Variants in UNC93A observed in about 807,000 individuals in gnomAD.
UNC93A encodes the protein N-acetylglucosamine transporter UNC93A.
A neutral mutation model predicts 47.5 loss-of-function variants in UNC93A; 43 were observed. That is an observed-to-expected ratio of 0.91 (90% CI 0.71 to 1.17). UNC93A has a LOEUF of 1.17. Among genes scored for constraint, UNC93A ranks in the 50% most tolerant of loss-of-function variants. UNC93A has a pLI of 0.00. For missense variants in UNC93A, 605 were observed against 577.6 expected, an observed-to-expected ratio of 1.05 and a Z score of -0.49; for synonymous variants, 280 against 258.0, an observed-to-expected ratio of 1.09 and a Z score of -0.82.
At chr6:167,292,665 C>CT (rs997893212) in intron 1 of UNC93A, among the ~76,000 whole-genome samples, 2 of 152,186 alleles carry the variant, frequency 1.3e-5, no homozygotes, top group African/African-American at 4.8e-5. Flanking sequence ...TGGTTCATTA[C>CT]TTTTGGAGTC....
rs1178252984 is a variant in UNC93A at position 167,307,787 on chromosome 6, A to ACC, written c.987_988dup (p.His330ProfsTer6). The ACC allele has an allele frequency of 4.4e-6, 7 of 1,592,802 alleles. No homozygotes were observed. The Middle Eastern group carries it at 6.6e-4, about 151-fold the overall frequency. Reference sequence around the variant, plus strand: ...CCCCTCTGCACCCCCAGGCGCGGTGACCCACGTGTCCTGCATGATTGCCCT... The same window carrying ACC: ...CCCCTCTGCACCCCCAGGCGCGGTGACCCCCACGTGTCCTGCATGATTGCCCT... On this transcript the variant is annotated frameshift_variant, in exon 7 of 8. Transcript: ENST00000230256. LOFTEE classifies it high-confidence loss of function.
At chr6:167,310,650 C>T (rs1023551433) in intron 7 of UNC93A, among the ~76,000 whole-genome samples, 3 of 152,160 alleles carry the variant, frequency 2.0e-5, no homozygotes, top group Admixed American at 6.5e-5. Flanking sequence ...GGAGGATGAA[C>T]CAGACAGATC....
chr6:167,293,592 A>G (rs1777953493), intron 1 of UNC93A, among the ~76,000 whole-genome samples: 1 of 152,140 alleles, frequency 6.6e-6, no homozygotes, highest in Admixed American at 6.5e-5. Flanking sequence ...CCCCAAGGCT[A>G]CTATGGGGTT....
chr6:167,273,610 T>G (rs5010933), intron 1 of UNC93A, among the ~76,000 whole-genome samples: 108,097 of 151,488 alleles, frequency 0.71, 39,092 homozygotes, highest in African/African-American at 0.84. Context: ...CGTGACACAG[T>G]CCTCAGGAGA....
In UNC93A at chr6:167,307,862, T is replaced by A. The variant is rs1171614339; in HGVS notation, c.1060T>A (p.Ser354Thr). ...ADHLAVFFVFSGLWGVADAVW... is the reference protein window; with the variant it reads ...ADHLAVFFVFTGLWGVADAVW... ...CCATCTGGCAGTGTTCTTCGTATTC[T>A]CTGGCCTGTGGGGCGTGGCAGATGC... The change falls in exon 7 of 8, where the codon TCT (serine) becomes ACT (threonine). Residue 354 changes from serine to threonine, a missense_variant. By Grantham distance (58) the Ser-to-Thr change is moderately conservative (BLOSUM62 1). Coordinates refer to ENST00000230256, the MANE Select transcript of UNC93A (RefSeq NM_018974.4). 1 of 1,614,086 alleles carries A rather than the reference T, an allele frequency of 6.2e-7. No individual in the cohort carries two copies. Among genetic ancestry groups the A allele is most frequent in the South Asian group, 1.1e-5 (1 of 91,080 alleles).
rs758703541 is a variant in UNC93A at position 167,291,527 on chromosome 6, T to C, written c.38T>C (p.Phe13Ser). The part of the protein sequence containing the change: ...RSLRNVLVVS[F>S]GFLLLFTAYG... ...CTAAGGAACGTCCTTGTGGTTTCCT[T>C]TGGGTTCCTGCTTCTCTTTACAGCC... Residue 13 changes from phenylalanine (F) to serine (S), a missense_variant, in exon 1 of 8, where the codon TTT (phenylalanine) becomes TCT (serine). Transcript: ENST00000230256. 42 of 1,613,866 alleles carry C rather than the reference T, an allele frequency of 2.6e-5. No individual in the cohort carries two copies. Among genetic ancestry groups the C allele is most frequent in the Non-Finnish European group, 3.4e-5 (40 of 1,179,954 alleles).
chr6:167,308,698 C>A (rs533603917), intron 7 of UNC93A, among the ~76,000 whole-genome samples: 73 of 151,586 alleles, frequency 4.8e-4, no homozygotes, highest in Non-Finnish European at 9.1e-4. Flanking sequence ...AGTGTGGGGC[C>A]AGCATGTGGG....
At chr6:167,278,720 T>G (rs2115079507) in intron 1 of UNC93A, among the ~76,000 whole-genome samples, 1 of 152,176 alleles carries the variant, frequency 6.6e-6, no homozygotes, top group African/African-American at 2.4e-5. Context: ...GCTGTGACAC[T>G]TCATTCCTCC....
At chr6:167,269,159 C>T (rs544647147), upstream of UNC93A, among the ~76,000 whole-genome samples, 2 of 152,302 alleles carry the variant, frequency 1.3e-5, no homozygotes, top group Admixed American at 6.5e-5. Context: ...GCGAGATGAG[C>T]GTGGCTGGAG....
At chr6:167,309,843 C>T (rs2115177778) in intron 7 of UNC93A, among the ~76,000 whole-genome samples, 1 of 152,252 alleles carries the variant, frequency 6.6e-6, no homozygotes, top group South Asian at 2.1e-4. Flanking sequence ...CCCAGTAATG[C>T]AGGTGGACCT....
intron 2 of UNC93A, 42 bp from the exon 3 acceptor site, chr6:167,295,990 G>C (rs1778075241): frequency 6.3e-7 from 1 of 1,584,196 alleles, no homozygotes; most frequent in Non-Finnish European, 8.7e-7. Flanking sequence ...CAATGGGCTT[G>C]CGTCTCCTGT....
intron 6 of UNC93A, among the ~76,000 whole-genome samples, chr6:167,306,799 G>A (rs985026772): frequency 1.3e-5 from 2 of 152,210 alleles, no homozygotes; most frequent in African/African-American, 4.8e-5. Flanking sequence ...GCCTAAGGTG[G>A]CACAGCCCTG....
rs765365507 is a variant in UNC93A at position 167,304,085 on chromosome 6, G to A, written c.792G>A (p.Pro264=). ...DKRLCLLILL[P]LYSGLQQGFL... ...GTCTGTGCCTCTTAATTCTGCTGCC[G>A]CTGTACAGTGGATTGCAGCAAGGAT... The change falls in exon 5 of 8, where the codon CCG becomes CCA. Residue 264 remains proline (P), a synonymous_variant. Coordinates refer to ENST00000230256, the MANE Select transcript of UNC93A (RefSeq NM_018974.4). 40 of 1,614,022 alleles carry A rather than the reference G, an allele frequency of 2.5e-5. No individual in the cohort carries two copies. The Admixed American group carries it at 4.3e-4, about 17-fold the overall frequency.
chr6:167,281,015 G>A (rs980214840), intron 1 of UNC93A, among the ~76,000 whole-genome samples: 9 of 152,112 alleles, frequency 5.9e-5, no homozygotes, highest in Non-Finnish European at 1.5e-5. Context: ...TTTTTCAGAG[G>A]TTCCTTCTGA....
chr6:167,287,485 C>A (rs1441478031), upstream of UNC93A, among the ~76,000 whole-genome samples: 1 of 152,126 alleles, frequency 6.6e-6, no homozygotes, highest in African/African-American at 2.4e-5. Context: ...TTGGTTCCTC[C>A]ACTAGAACTA....
intron 6 of UNC93A, among the ~76,000 whole-genome samples, chr6:167,306,913 C>T (rs996692781): frequency 6.6e-6 from 1 of 152,174 alleles, no homozygotes; most frequent in African/African-American, 2.4e-5. Flanking sequence ...CCTAGAGATG[C>T]CACAGCCTGT....
At chr6:167,280,556 G>A (rs557026994) in intron 1 of UNC93A, among the ~76,000 whole-genome samples, 44 of 152,238 alleles carry the variant, frequency 2.9e-4, no homozygotes, top group Middle Eastern at 6.8e-3. Context: ...AATTTAAAAA[G>A]AATTATGAAT....
At chr6:167,314,561 G>A (rs1434287024) in intron 7 of UNC93A, among the ~76,000 whole-genome samples, 1 of 152,170 alleles carries the variant, frequency 6.6e-6, no homozygotes, top group Non-Finnish European at 1.5e-5. Flanking sequence ...GAAAATCCTG[G>A]GGCTCCAAAA....
At chr6:167,296,563 T>A (rs1240207642) in intron 3 of UNC93A, among the ~76,000 whole-genome samples, 1 of 152,244 alleles carries the variant, frequency 6.6e-6, no homozygotes, top group African/African-American at 2.4e-5. Context: ...GTAGAATTTG[T>A]GTTCATGGAG....
Sources: allele counts gnomAD v4.1 joint callset (sites outside exome capture counted in the v4.1 genomes callset), GRCh38; gene constraint gnomAD v4.1.1; transcripts MANE v1.5; gene names NCBI Gene and HGNC (gene_info 2026-07-23, HGNC 2026-07-21).